The following LRFN2 variants were observed in gnomAD, a reference collection of about 807,000 sequenced individuals.
LRFN2 encodes the protein leucine rich repeat and fibronectin type III domain containing 2, also known as leucine-rich repeat and fibronectin type-III domain-containing protein 2.
Under a neutral mutation model 37.3 loss-of-function variants are expected in LRFN2, and 18 were observed. The ratio of observed to expected loss-of-function variants is 0.48; its 90% CI spans 0.33 to 0.72. The LOEUF is 0.72. Ranked by LOEUF, LRFN2 falls within the 30% of genes least tolerant of loss-of-function variation. The pLI, the probability that LRFN2 is intolerant of heterozygous loss-of-function variation, is 0.02. For missense variants in LRFN2, 1,006 were observed against 1,060.7 expected, an observed-to-expected ratio of 0.95 and a Z score of 0.72; for synonymous variants, 556 against 466.6, an observed-to-expected ratio of 1.19 and a Z score of -2.47.
intron 2 of LRFN2, among the ~76,000 whole-genome samples, chr6:40,413,335 G>T (rs915270442): frequency 1.3e-5 from 2 of 152,174 alleles, no homozygotes; most frequent in African/African-American, 2.4e-5. Context: ...GTGACTGTCC[G>T]AGATTCACAG....
At chr6:40,577,040 G>A (rs539325194) in intron 1 of LRFN2, among the ~76,000 whole-genome samples, 154 of 145,182 alleles carry the variant, frequency 1.1e-3, no homozygotes, top group African/African-American at 3.6e-3. Flanking sequence ...CCCTACTGGA[G>A]GTCCTCATTC....
intron 1 of LRFN2, among the ~76,000 whole-genome samples, chr6:40,469,148 C>T (rs1046925106): frequency 2.0e-5 from 3 of 152,086 alleles, no homozygotes; most frequent in African/African-American, 7.2e-5. Context: ...GGGGAAAAGG[C>T]CATGTGATGA....
Position 40,432,480 on chromosome 6 carries a change from G to A in LRFN2, c.634C>T (p.Leu212=). ...CGGGCAAAGATGGGATCAGGGGGCA[G>A]CTTCTGCAGCCGATTGGAGGTGAGA... ...LDLTSNRLQK[L]PPDPIFARSQ... Residue 212 remains leucine (L), a synonymous_variant, in exon 2 of 3, where the codon CTG becomes TTG. Coordinates refer to ENST00000338305, the MANE Select transcript of LRFN2 (RefSeq NM_020737.3). 1 of 1,614,244 alleles carries A rather than the reference G, an allele frequency of 6.2e-7. No homozygotes were observed. The highest frequency in any genetic ancestry group is 1.7e-5 in the Admixed American group (1 of 60,036).
chr6:40,445,514 G>T (rs1763949188), intron 1 of LRFN2, among the ~76,000 whole-genome samples: 1 of 152,202 alleles, frequency 6.6e-6, no homozygotes, highest in African/African-American at 2.4e-5. Context: ...TTGAATGATA[G>T]GTGGTAGGAT....
At chr6:40,504,125 A>G (rs905561304) in intron 1 of LRFN2, among the ~76,000 whole-genome samples, 5 of 152,216 alleles carry the variant, frequency 3.3e-5, no homozygotes, top group African/African-American at 1.2e-4. Context: ...TGCAGACAGC[A>G]GAAGAGACCC....
intron 1 of LRFN2, among the ~76,000 whole-genome samples, chr6:40,569,211 G>A (rs1297034909): frequency 6.6e-6 from 1 of 152,236 alleles, no homozygotes; most frequent in Non-Finnish European, 1.5e-5. Flanking sequence ...AGAAGATTGA[G>A]ACTATATTTA....
chr6:40,494,217 G>A (rs1765167244), intron 1 of LRFN2, among the ~76,000 whole-genome samples: 1 of 152,176 alleles, frequency 6.6e-6, no homozygotes, highest in Non-Finnish European at 1.5e-5. Context: ...GGGTCACCTG[G>A]GATAAGTAAC....
At chr6:40,452,546 G>T (rs1001970577) in intron 1 of LRFN2, among the ~76,000 whole-genome samples, 1 of 152,162 alleles carries the variant, frequency 6.6e-6, no homozygotes, top group Non-Finnish European at 1.5e-5. Flanking sequence ...TTCAGCTTGT[G>T]GCCGTGTGAT....
intron 1 of LRFN2, among the ~76,000 whole-genome samples, chr6:40,561,023 A>G (rs1766983615): frequency 6.6e-6 from 1 of 152,166 alleles, no homozygotes; most frequent in Non-Finnish European, 1.5e-5. Flanking sequence ...AAGTTTGTTG[A>G]CTCAGTGCAG....
At chr6:40,412,430 CG>C (rs1364719387) in intron 2 of LRFN2, among the ~76,000 whole-genome samples, 1 of 152,160 alleles carries the variant, frequency 6.6e-6, no homozygotes, top group Non-Finnish European at 1.5e-5. Flanking sequence ...TGCACAGCTC[CG>C]GGGTCCCATA....
intron 2 of LRFN2, among the ~76,000 whole-genome samples, chr6:40,409,010 C>T (rs1245845750): frequency 6.6e-6 from 1 of 152,218 alleles, no homozygotes; most frequent in Non-Finnish European, 1.5e-5. Context: ...AGACAGAGAG[C>T]CCCCTCGGTA....
chr6:40,434,885 T>C (rs1280894472), intron 1 of LRFN2, among the ~76,000 whole-genome samples: 1 of 151,552 alleles, frequency 6.6e-6, no homozygotes, highest in Non-Finnish European at 1.5e-5. Context: ...ACAATAGCTC[T>C]GTACGCATGA....
intron 1 of LRFN2, among the ~76,000 whole-genome samples, chr6:40,468,064 G>C (rs200531208): frequency 6.6e-6 from 1 of 152,058 alleles, no homozygotes; most frequent in Non-Finnish European, 1.5e-5. Context: ...CACCCAGGAC[G>C]GGGGTTCCCA....
intron 2 of LRFN2, among the ~76,000 whole-genome samples, chr6:40,407,120 G>A (rs760535228): frequency 6.6e-5 from 10 of 152,300 alleles, no homozygotes; most frequent in African/African-American, 1.2e-4. Flanking sequence ...GTGTCCCCAC[G>A]ACTGCAGGCT....
At chr6:40,416,287 G>A (rs542424457) in intron 2 of LRFN2, among the ~76,000 whole-genome samples, 9 of 152,368 alleles carry the variant, frequency 5.9e-5, no homozygotes, top group African/African-American at 2.2e-4. Flanking sequence ...GGGATTACAG[G>A]CGTGAGCCAC....
At chr6:40,465,070 A>C (rs1228642791) in intron 1 of LRFN2, among the ~76,000 whole-genome samples, 1 of 152,182 alleles carries the variant, frequency 6.6e-6, no homozygotes, top group East Asian at 1.9e-4. Context: ...AGGGTCCTTA[A>C]ATATGAAAGA....
At chr6:40,532,752 A>G (rs1214207238) in intron 1 of LRFN2, among the ~76,000 whole-genome samples, 1 of 152,228 alleles carries the variant, frequency 6.6e-6, no homozygotes, top group Non-Finnish European at 1.5e-5. Flanking sequence ...GACTTTTATT[A>G]TAATCATTAT....
intron 1 of LRFN2, among the ~76,000 whole-genome samples, chr6:40,469,948 G>A (rs1764555138): frequency 1.3e-5 from 2 of 152,170 alleles, no homozygotes; most frequent in African/African-American, 4.8e-5. Flanking sequence ...CCCACAGCTG[G>A]GTCCTCACCA....
At chr6:40,492,485 G>A (rs1336727901) in intron 1 of LRFN2, among the ~76,000 whole-genome samples, 1 of 152,214 alleles carries the variant, frequency 6.6e-6, no homozygotes, top group Admixed American at 6.5e-5. Context: ...TGGATCTGGC[G>A]TATGTGTGCA....
Sources: gnomAD v4.1 joint callset for allele counts (sites outside exome capture counted in the v4.1 genomes callset) on GRCh38, gnomAD v4.1.1 for gene constraint, MANE v1.5 for transcripts, NCBI Gene and HGNC (gene_info 2026-07-23, HGNC 2026-07-21) for gene names.